CDH12: variants seen among roughly 807,000 people sequenced by gnomAD.
The protein encoded by CDH12 is cadherin-12.
CDH12 carries 41 observed loss-of-function variants against 74.1 expected under a neutral mutation model. The observed-to-expected ratio is 0.55, with a 90% CI of 0.43 to 0.72. The LOEUF is 0.72. Ranked by LOEUF, CDH12 falls within the 30% of genes least tolerant of loss-of-function variation. CDH12 has a pLI of 0.00. For missense variants in CDH12, 945 were observed against 977.2 expected, an observed-to-expected ratio of 0.97 and a Z score of 0.44; for synonymous variants, 399 against 355.0, an observed-to-expected ratio of 1.12 and a Z score of -1.39.
intron 1 of CDH12, among the ~76,000 whole-genome samples, chr5:22,657,030 G>A (rs1477714665): frequency 6.6e-6 from 1 of 152,008 alleles, no homozygotes; most frequent in African/African-American, 2.4e-5. Context: ...TTACAGGTAT[G>A]AGCCACCATG....
intron 9 of CDH12, among the ~76,000 whole-genome samples, chr5:21,804,094 C>A (rs1424026346): frequency 1.3e-5 from 2 of 151,998 alleles, no homozygotes; most frequent in East Asian, 3.9e-4. Context: ...GCTTTGTAAT[C>A]AATGTTTTCT....
At chr5:22,701,103 C>A (rs533222640) in intron 1 of CDH12, among the ~76,000 whole-genome samples, 1 of 152,074 alleles carries the variant, frequency 6.6e-6, no homozygotes, top group African/African-American at 2.4e-5. Flanking sequence ...GGATTCTATC[C>A]GTATGCCCCA....
intron 9 of CDH12, among the ~76,000 whole-genome samples, chr5:21,812,870 T>C (rs967733123): frequency 6.6e-6 from 1 of 152,170 alleles, no homozygotes; most frequent in African/African-American, 2.4e-5. Flanking sequence ...GGATTGCCTC[T>C]AGTGGATCCA....
intron 8 of CDH12, among the ~76,000 whole-genome samples, chr5:21,823,527 G>T (rs1748486525): frequency 6.6e-6 from 1 of 151,902 alleles, no homozygotes; most frequent in African/African-American, 2.4e-5. Flanking sequence ...GAGGAGGGAT[G>T]GTTTACTGAG....
chr5:22,022,461 G>A (rs954331598), intron 5 of CDH12, among the ~76,000 whole-genome samples: 1 of 152,050 alleles, frequency 6.6e-6, no homozygotes, highest in Non-Finnish European at 1.5e-5. Context: ...TATAGCTTGT[G>A]GAACTGTGAG....
At chr5:22,118,525 A>C (rs1405902787) in intron 4 of CDH12, among the ~76,000 whole-genome samples, 2 of 152,052 alleles carry the variant, frequency 1.3e-5, no homozygotes, top group Non-Finnish European at 2.9e-5. Context: ...TGAAATATTT[A>C]AGATTGACTC....
At chr5:21,829,795 C>T (rs1200230007) in intron 8 of CDH12, among the ~76,000 whole-genome samples, 1 of 152,134 alleles carries the variant, frequency 6.6e-6, no homozygotes, top group African/African-American at 2.4e-5. Flanking sequence ...ATTCTCCTAC[C>T]TGGGTTTTCT....
chr5:22,724,873 T>A (rs187095866), intron 1 of CDH12, among the ~76,000 whole-genome samples: 31 of 151,936 alleles, frequency 2.0e-4, no homozygotes, highest in African/African-American at 6.0e-4. Context: ...TAACTTTTAA[T>A]TTAAAAAATT....
chr5:22,818,670 TA>T (rs138950754), intron 1 of CDH12, among the ~76,000 whole-genome samples: 2,613 of 152,244 alleles, frequency 0.017, 73 homozygotes, highest in African/African-American at 0.06. Context: ...TCAATGATTT[TA>T]ATAGTTGGAG....
chr5:21,751,962 C>T lies in CDH12; in HGVS notation c.2160G>A (p.Arg720=), dbSNP rs1400526424. ...NTDIRDFIHQ[R]LQENDVDPTA... Reference sequence around the variant, plus strand: ...TTGGATCCACATCATTTTCCTGTAGCCTTTGATGAATGAAATCCCTTATGT... The same window carrying T: ...TTGGATCCACATCATTTTCCTGTAGTCTTTGATGAATGAAATCCCTTATGT... The change falls in exon 15 of 15, where the codon AGG becomes AGA. Residue 720 remains arginine, a synonymous_variant. Coordinates refer to ENST00000382254, the MANE Select transcript of CDH12 (RefSeq NM_004061.5). The T allele has an allele frequency of 1.9e-6, 3 of 1,613,978 alleles. No individual in the cohort carries two copies. In the East Asian group the frequency reaches 6.7e-5, roughly 36 times the overall value.
chr5:22,582,905 G>A (rs112650984), intron 1 of CDH12, among the ~76,000 whole-genome samples: 1 of 152,092 alleles, frequency 6.6e-6, no homozygotes, highest in Non-Finnish European at 1.5e-5. Flanking sequence ...GCACTATAGG[G>A]GGATTGATAT....
At chr5:22,032,630 C>T (rs1738892453) in intron 5 of CDH12, among the ~76,000 whole-genome samples, 1 of 151,324 alleles carries the variant, frequency 6.6e-6, no homozygotes, top group South Asian at 2.1e-4. Flanking sequence ...ATTGCATGAA[C>T]CCAGAAGGTG....
chr5:22,347,429 C>T (rs1740164537), intron 3 of CDH12, among the ~76,000 whole-genome samples: 1 of 152,198 alleles, frequency 6.6e-6, no homozygotes, highest in Admixed American at 6.5e-5. Context: ...CTTAGACCTA[C>T]ACCAGCGGTT....
chr5:22,634,147 A>G lies in CDH12; in HGVS notation c.-522-128783T>C, dbSNP rs1451827199. 2.0e-5 allele frequency among the ~76,000 whole-genome samples: 3 copies of G among 152,168 alleles called. No homozygotes were observed. In the East Asian group the frequency reaches 5.8e-4, roughly 29 times the overall value. On this transcript the variant is annotated intron_variant, in intron 1 of 14. Transcript: ENST00000382254. ...CAAAATGATATACTAGAATTTATAT[A>G]TTTAGCATAAAAGGCAGTAATGAGA...
intron 1 of CDH12, among the ~76,000 whole-genome samples, chr5:22,630,475 C>T (rs766700415): frequency 1.3e-5 from 2 of 152,066 alleles, no homozygotes; most frequent in Non-Finnish European, 2.9e-5. Flanking sequence ...GAATAGAGAA[C>T]TAATAAATAA....
chr5:22,077,623 ATACT>A (rs1742419944), intron 5 of CDH12, among the ~76,000 whole-genome samples: 1 of 152,142 alleles, frequency 6.6e-6, no homozygotes, highest in Non-Finnish European at 1.5e-5. Flanking sequence ...ATAAAATATA[ATACT>A]TATTTTTGGG....
chr5:22,249,264 T>TTAAAGGAAGCATAACAATTTGC (rs1352910683), intron 3 of CDH12, among the ~76,000 whole-genome samples: 3 of 152,094 alleles, frequency 2.0e-5, no homozygotes, highest in Non-Finnish European at 4.4e-5. Context: ...TCTGTCAAGG[T>TTAAAGGAAGCATAACAATTTGC]TAAAGGAAGC....
chr5:22,352,232 G>C (rs1740385668), intron 3 of CDH12, among the ~76,000 whole-genome samples: 1 of 151,274 alleles, frequency 6.6e-6, no homozygotes, highest in African/African-American at 2.4e-5. Flanking sequence ...CTTGGTATCT[G>C]CTAGCAATAA....
chr5:21,768,343 C>T (rs925380990), intron 11 of CDH12, among the ~76,000 whole-genome samples: 11 of 151,688 alleles, frequency 7.3e-5, no homozygotes, highest in African/African-American at 2.4e-4. Context: ...TCAATAATAT[C>T]GGAGTCAGAT....
Sources: allele counts gnomAD v4.1 joint callset (sites outside exome capture counted in the v4.1 genomes callset), GRCh38; gene constraint gnomAD v4.1.1; transcripts MANE v1.5; gene names NCBI Gene and HGNC (gene_info 2026-07-23, HGNC 2026-07-21).